LGALS9: variants seen among roughly 807,000 people sequenced by gnomAD.
LGALS9 encodes the protein galectin-9.
Under a neutral mutation model 35.9 loss-of-function variants are expected in LGALS9, and 26 were observed. The observed-to-expected ratio is 0.72, with a 90% CI of 0.53 to 1.01. The LOEUF (loss-of-function observed/expected upper bound fraction) is 1.01. Ranked by LOEUF, LGALS9 falls within the 50% of genes least tolerant of loss-of-function variation. The probability of loss-of-function intolerance (pLI) is 0.00; values close to 1 mark genes in which losing one functional copy is unlikely to be tolerated. For synonymous variants in LGALS9, 149 were observed against 172.2 expected, an observed-to-expected ratio of 0.87 and a Z score of 1.06; for missense variants, 347 against 445.8, an observed-to-expected ratio of 0.78 and a Z score of 1.99.
chr17:27,643,802 C>A (rs1904713006), intron 5 of LGALS9, among the ~76,000 whole-genome samples, 182 bp downstream of exon 5: 1 of 152,130 alleles, frequency 6.6e-6, no homozygotes, highest in Non-Finnish European at 1.5e-5. Flanking sequence ...ACCCTGGATT[C>A]TTCACTCCCT....
intron 3 of LGALS9, chr17:27,641,017 G>A (rs566906942): frequency 5.0e-5 from 36 of 716,412 alleles, no homozygotes; most frequent in African/African-American, 1.9e-4. Flanking sequence ...GAGTCATCAC[G>A]TTGCTATTTG....
chr17:27,640,268 CG>C (rs559998866), intron 2 of LGALS9: 131 of 434,270 alleles, frequency 3.0e-4, no homozygotes, highest in African/African-American at 2.4e-3. Flanking sequence ...CTTCCATCTT[CG>C]GTATCAATTG....
intron 1 of LGALS9, among the ~76,000 whole-genome samples, chr17:27,634,117 G>A (rs1458738854): frequency 1.3e-5 from 2 of 152,214 alleles, no homozygotes; most frequent in Non-Finnish European, 2.9e-5. Context: ...TGATTTTGAA[G>A]GTCAGATGTT....
At chr17:27,647,695 T>G (rs1412463839) in intron 10 of LGALS9, among the ~76,000 whole-genome samples, 1 of 152,202 alleles carries the variant, frequency 6.6e-6, no homozygotes, top group Non-Finnish European at 1.5e-5. Flanking sequence ...AAGTGTCAAA[T>G]CAGACCCAAG....
intron 3 of LGALS9, chr17:27,641,094 T>A: frequency 1.9e-6 from 1 of 531,766 alleles, no homozygotes; most frequent in Non-Finnish European, 3.6e-6. Flanking sequence ...CCTCTCCAGG[T>A]CACTGGTAAC....
rs774324847 is a variant in LGALS9 at position 27,640,786 on chromosome 17, C to T, written c.333+13C>T. 3 of 1,613,504 alleles carry T rather than the reference C, an allele frequency of 1.9e-6. No individual in the cohort carries two copies. Among genetic ancestry groups the T allele is most frequent in the South Asian group, 1.1e-5 (1 of 91,020 alleles). ...CTCAGATTTCAAGGTGAGCAAGAATCCCCTCCCCACCTCTCACCCCTGGGA... is the reference window on the plus strand; with the variant it reads ...CTCAGATTTCAAGGTGAGCAAGAATTCCCTCCCCACCTCTCACCCCTGGGA... On this transcript the variant is annotated intron_variant, in intron 3 of 10. Coordinates refer to ENST00000395473, the MANE Select transcript of LGALS9 (RefSeq NM_009587.3).
intron 5 of LGALS9, 198 bp from the exon 6 acceptor site, chr17:27,645,116 A>G: frequency 2.9e-6 from 3 of 1,024,780 alleles, no homozygotes; most frequent in South Asian, 3.2e-5. Flanking sequence ...CTACCCCCCA[A>G]CCCCAAAGCC....
intron 1 of LGALS9, among the ~76,000 whole-genome samples, chr17:27,635,553 G>A (rs918431787): frequency 6.6e-6 from 1 of 151,958 alleles, no homozygotes; most frequent in African/African-American, 2.4e-5. Flanking sequence ...GAGCTTTTTT[G>A]GGGAACTTGT....
intron 10 of LGALS9, 110 bp downstream of exon 10, chr17:27,647,542 T>C (rs1019559094): frequency 4.9e-6 from 7 of 1,441,786 alleles, no homozygotes; most frequent in Non-Finnish European, 6.5e-6. Flanking sequence ...TCCTCTGGGA[T>C]GAAGGCCCAA....
intron 1 of LGALS9, among the ~76,000 whole-genome samples, chr17:27,634,157 T>C (rs1471625779): frequency 6.6e-6 from 1 of 152,256 alleles, no homozygotes; most frequent in African/African-American, 2.4e-5. Context: ...AGTTGTTTCC[T>C]TCTGGAGGCC....
rs111663051 is a variant in LGALS9 at position 27,644,834 on chromosome 17, C to G, written c.541-480C>G. 179 of 161,048 alleles carry G rather than the reference C, an allele frequency of 1.1e-3. 1 individual carries two copies. Among genetic ancestry groups the G allele is most frequent in the African/African-American group, 3.0e-3 (127 of 41,674 alleles). The allele number at this position is 161,048 out of a possible 1,614,324, so 10.0% of individuals were successfully genotyped here. On this transcript the variant is annotated intron_variant, in intron 5 of 10. Coordinates refer to ENST00000395473, the MANE Select transcript of LGALS9 (RefSeq NM_009587.3). ...AACTGGCTGCCACTTTGGATTTGAT[C>G]CCTTCCACCTTGGCAAGCTTGGGCA...
At position 27,647,309 on chromosome 17, in the gene LGALS9, C is replaced by T; in HGVS notation, c.798C>T (p.Phe266=). ...INLCSGNHIA[F]HLNPRFDENA... ...TGTGCTCTGGGAACCACATCGCCTT[C>T]CACCTGAACCCCCGTTTTGATGAGA... Residue 266 remains phenylalanine (F), a synonymous_variant, in exon 10 of 11, where the codon TTC becomes TTT. Coordinates refer to ENST00000395473, the MANE Select transcript of LGALS9 (RefSeq NM_009587.3). The T allele has an allele frequency of 6.8e-6, 11 of 1,614,178 alleles. No individual in the cohort carries two copies. The highest frequency in any genetic ancestry group is 1.3e-5 in the African/African-American group (1 of 75,046).
chr17:27,634,633 T>C (rs1467257675), intron 1 of LGALS9, among the ~76,000 whole-genome samples: 3 of 152,232 alleles, frequency 2.0e-5, no homozygotes, highest in Non-Finnish European at 4.4e-5. Context: ...TCTGTGCTTC[T>C]GTTGTCACAT....
Position 27,647,312 on chromosome 17 carries a change from C to T in LGALS9, c.801C>T (p.His267=), listed in dbSNP as rs373382958. The T allele has an allele frequency of 5.0e-5, 81 of 1,614,068 alleles. No individual in the cohort carries two copies. Among genetic ancestry groups the T allele is most frequent in the Non-Finnish European group, 6.6e-5 (78 of 1,180,054 alleles). The change falls in exon 10 of 11, where the codon CAC becomes CAT. Residue 267 remains histidine, a synonymous_variant. Coordinates refer to ENST00000395473, the MANE Select transcript of LGALS9 (RefSeq NM_009587.3). ...GCTCTGGGAACCACATCGCCTTCCA[C>T]CTGAACCCCCGTTTTGATGAGAATG... ...NLCSGNHIAF[H]LNPRFDENAV... is the part of the protein sequence containing the mutation.
At chr17:27,641,956 G>T (rs1448094879) in intron 3 of LGALS9, among the ~76,000 whole-genome samples, 1 of 151,930 alleles carries the variant, frequency 6.6e-6, no homozygotes. Context: ...AAAAAAAACA[G>T]TTGAAGGAAA....
At position 27,631,287 on chromosome 17, in the gene LGALS9, G is replaced by C. The variant is rs767013575; in HGVS notation, c.22G>C (p.Ala8Pro). The change falls in exon 1 of 11, where the codon GCT becomes CCT. Residue 8 changes from alanine to proline, a missense_variant. Coordinates refer to ENST00000395473, the MANE Select transcript of LGALS9 (RefSeq NM_009587.3). MAFSGSQ[A>P]PYLSPAVPFS... ...AGAGATGGCCTTCAGCGGTTCCCAG[G>C]CTCCCTACCTGAGTCCAGTGAGTTC... 2 of 1,614,166 alleles carry C rather than the reference G, an allele frequency of 1.2e-6. No homozygotes were observed. The highest frequency in any genetic ancestry group is 1.7e-6 in the Non-Finnish European group (2 of 1,180,020).
Position 27,646,565 on chromosome 17 carries a change from A to G in LGALS9, c.646A>G (p.Met216Val), listed in dbSNP as rs2151297876. The G allele has an allele frequency of 1.2e-6, 2 of 1,612,128 alleles. No homozygotes were observed. Among genetic ancestry groups the G allele is most frequent in the Non-Finnish European group, 1.7e-6 (2 of 1,179,864 alleles). ...TCAACAGACTCCCGCCATCCCACCT[A>G]TGATGTACCCCCACCCCGCCTATGT... ...QMFSTPAIPP[M>V]MYPHPAYPMP... The change falls in exon 8 of 11, where the codon ATG (methionine) becomes GTG (valine). Residue 216 changes from methionine to valine, a missense_variant. Coordinates refer to ENST00000395473, the MANE Select transcript of LGALS9 (RefSeq NM_009587.3).
intron 1 of LGALS9, among the ~76,000 whole-genome samples, chr17:27,636,618 C>T (rs916823293): frequency 6.6e-6 from 1 of 151,956 alleles, no homozygotes; most frequent in Non-Finnish European, 1.5e-5. Context: ...TAAAGGTGTG[C>T]ACCACCACAC....
chr17:27,639,771 T>G (rs970347621), intron 2 of LGALS9, among the ~76,000 whole-genome samples: 1 of 152,068 alleles, frequency 6.6e-6, no homozygotes, highest in Admixed American at 6.5e-5. Flanking sequence ...GGAGTCTCGC[T>G]CTGCCACCAG....
Sources: gnomAD v4.1 joint callset for allele counts (sites outside exome capture counted in the v4.1 genomes callset) on GRCh38, gnomAD v4.1.1 for gene constraint, MANE v1.5 for transcripts, NCBI Gene and HGNC (gene_info 2026-07-23, HGNC 2026-07-21) for gene names.